PTPRD: variants seen among roughly 807,000 people sequenced by gnomAD.
PTPRD encodes protein tyrosine phosphatase receptor type D, also known as receptor-type tyrosine-protein phosphatase delta.
In PTPRD, 34 loss-of-function variants were observed where a neutral mutation model predicts 214.5. The observed-to-expected ratio is 0.16, with a 90% CI of 0.12 to 0.21. The LOEUF (loss-of-function observed/expected upper bound fraction) is 0.21, where lower values mean the gene tolerates loss of function less well. PTPRD is among the 10% of genes least tolerant of loss of function. The pLI, the probability that PTPRD is intolerant of heterozygous loss-of-function variation, is 1.00. For missense variants in PTPRD, 2,545 were observed against 2,398.7 expected (o/e 1.06, Z -1.27); for synonymous variants, 1,128 against 845.7 (o/e 1.33, Z -5.79).
intron 12 of PTPRD, among the ~76,000 whole-genome samples, chr9:8,705,402 T>A (rs2098184412): frequency 6.6e-6 from 1 of 152,108 alleles, no homozygotes; most frequent in Admixed American, 6.5e-5. Flanking sequence ...GTACCTAAAT[T>A]TGTTTTGAAA....
rs1595406170 is a variant in PTPRD at position 9,693,892 on chromosome 9, C to T, written c.-287+40641G>A. On this transcript the variant is annotated intron_variant, in intron 7 of 45. Coordinates refer to ENST00000381196, the MANE Select transcript of PTPRD (RefSeq NM_002839.4). ...ATTCTGCTATTAAGAGACTCTGTTG[C>T]ATTCTTCATCATGTCAATTGCATAT... 2.6e-5 allele frequency among the ~76,000 whole-genome samples: 4 copies of T among 152,158 alleles called. No individual in the cohort carries two copies. In the East Asian group the frequency reaches 7.7e-4, roughly 29 times the overall value.
intron 39 of PTPRD, among the ~76,000 whole-genome samples, chr9:8,367,184 G>C (rs1336539558): frequency 6.6e-6 from 1 of 152,084 alleles, no homozygotes; most frequent in African/African-American, 2.4e-5. Context: ...GTCTCACAAA[G>C]AAGTTCTCCA....
chr9:9,241,299 T>A (rs900603672), intron 9 of PTPRD, among the ~76,000 whole-genome samples: 2 of 152,188 alleles, frequency 1.3e-5, no homozygotes, highest in South Asian at 4.1e-4. Flanking sequence ...TTTATTCTTC[T>A]CCCCATCTGA....
At chr9:9,443,506 T>C (rs762786950) in intron 8 of PTPRD, among the ~76,000 whole-genome samples, 62 of 152,324 alleles carry the variant, frequency 4.1e-4, no homozygotes, top group Non-Finnish European at 3.2e-4. Flanking sequence ...AAGTTTGACT[T>C]TGCCAGATCA....
At chr9:8,858,025 TCCCGCTCCTCCTGCTCGCCCTGCG>T (rs1027781012) in intron 11 of PTPRD, 1 of 143,150 alleles carries the variant, frequency 7.0e-6, no homozygotes, top group African/African-American at 2.8e-5. Context: ...TTTCTCCTCC[TCCCGCTCCTCCTGCTCGCCCTGCG>T]CCCGCTTCTC....
At chr9:9,838,777 C>A (rs1286554471) in intron 5 of PTPRD, among the ~76,000 whole-genome samples, 3 of 152,076 alleles carry the variant, frequency 2.0e-5, no homozygotes, top group Non-Finnish European at 4.4e-5. Flanking sequence ...TTAATTAGAT[C>A]CCATTTATCA....
intron 5 of PTPRD, among the ~76,000 whole-genome samples, chr9:9,802,645 T>C (rs1053822468): frequency 6.8e-6 from 1 of 147,838 alleles, no homozygotes; most frequent in Non-Finnish European, 1.5e-5. Context: ...GCTAGGAACG[T>C]TTTTTTTTAA....
intron 5 of PTPRD, among the ~76,000 whole-genome samples, chr9:9,773,812 G>C (rs1208858978): frequency 2.6e-5 from 4 of 152,070 alleles, no homozygotes; most frequent in East Asian, 1.9e-4. Flanking sequence ...CAGGTGCAAG[G>C]CCCTTTTGGT....
At chr9:10,290,522 C>T (rs1381833111) in intron 3 of PTPRD, among the ~76,000 whole-genome samples, 3 of 152,106 alleles carry the variant, frequency 2.0e-5, no homozygotes, top group Admixed American at 6.6e-5. Flanking sequence ...TACTTTCCTC[C>T]ATATGTTTAA....
intron 39 of PTPRD, among the ~76,000 whole-genome samples, chr9:8,350,140 G>A (rs1432612490): frequency 6.6e-6 from 1 of 152,086 alleles, no homozygotes; most frequent in African/African-American, 2.4e-5. Flanking sequence ...AATGTCCCGT[G>A]ATGTGATACA....
chr9:10,529,279 T>C (rs988535997), intron 2 of PTPRD, among the ~76,000 whole-genome samples: 5 of 152,146 alleles, frequency 3.3e-5, no homozygotes, highest in Non-Finnish European at 7.3e-5. Flanking sequence ...CGTATGTTTA[T>C]TGTGGCACTG....
intron 11 of PTPRD, among the ~76,000 whole-genome samples, chr9:8,857,108 C>A (rs764830092): frequency 4.6e-5 from 7 of 152,162 alleles, no homozygotes; most frequent in Non-Finnish European, 8.8e-5. Flanking sequence ...GGAAGGTCTC[C>A]CAAACAATCC....
intron 20 of PTPRD, 130 bp from the exon 21 acceptor site, chr9:8,518,559 A>G: frequency 1.4e-6 from 1 of 702,624 alleles, no homozygotes; most frequent in East Asian, 2.8e-5. Flanking sequence ...AAATTATAGC[A>G]AAGAGTAGTT....
chr9:10,595,545 C>T (rs2076428862), intron 2 of PTPRD, among the ~76,000 whole-genome samples: 1 of 151,358 alleles, frequency 6.6e-6, no homozygotes, highest in Admixed American at 6.6e-5. Context: ...TTTTTGGCGG[C>T]TCATTTTGCT....
chr9:8,814,073 G>C (rs775226757), intron 11 of PTPRD, among the ~76,000 whole-genome samples: 2 of 152,192 alleles, frequency 1.3e-5, no homozygotes, highest in Non-Finnish European at 1.5e-5. Context: ...CCAGAGCACA[G>C]CACCTGACAC....
At chr9:8,447,984 A>G (rs184573470) in intron 34 of PTPRD, among the ~76,000 whole-genome samples, 1,538 of 152,186 alleles carry the variant, frequency 0.01, 30 homozygotes, top group African/African-American at 0.035. Flanking sequence ...CTATACATTG[A>G]GTTTGCTAAA....
chr9:8,391,641 T>G (rs1478943919), intron 36 of PTPRD, among the ~76,000 whole-genome samples: 2 of 152,162 alleles, frequency 1.3e-5, no homozygotes, highest in Non-Finnish European at 1.5e-5. Context: ...CATTAAAGAA[T>G]TGATAAAAAG....
intron 35 of PTPRD, among the ~76,000 whole-genome samples, chr9:8,425,451 A>T (rs1034645552): frequency 6.6e-6 from 1 of 151,726 alleles, no homozygotes; most frequent in Non-Finnish European, 1.5e-5. Flanking sequence ...CATGACCCTG[A>T]GCTGCAATGA....
At chr9:10,059,011 T>G (rs1008242191) in intron 3 of PTPRD, among the ~76,000 whole-genome samples, 2 of 152,056 alleles carry the variant, frequency 1.3e-5, no homozygotes, top group Admixed American at 6.6e-5. Flanking sequence ...ATAAATAAAT[T>G]CATTTACTTT....
Sources: gnomAD v4.1 joint callset for allele counts (sites outside exome capture counted in the v4.1 genomes callset) on GRCh38, gnomAD v4.1.1 for gene constraint, MANE v1.5 for transcripts, NCBI Gene and HGNC (gene_info 2026-07-23, HGNC 2026-07-21) for gene names.